The following XPNPEP1 variants were observed in gnomAD, a reference collection of about 807,000 sequenced individuals.
XPNPEP1 encodes xaa-Pro aminopeptidase 1.
XPNPEP1 carries 39 observed loss-of-function variants against 92.4 expected under a neutral mutation model. That is an observed-to-expected ratio of 0.42 (90% confidence interval 0.33 to 0.55). The LOEUF is 0.55. Among genes scored for constraint, XPNPEP1 ranks in the 20% least tolerant of loss-of-function variants. The probability of loss-of-function intolerance (pLI) is 0.08; values close to 1 mark genes in which losing one functional copy is unlikely to be tolerated. For missense variants in XPNPEP1, 654 were observed against 856.1 expected (o/e 0.76, Z 2.95); for synonymous variants, 307 against 299.4 (o/e 1.03, Z -0.26).
intron 2 of XPNPEP1, among the ~76,000 whole-genome samples, chr10:109,909,687 G>A (rs1849756124): frequency 6.6e-6 from 1 of 152,160 alleles, no homozygotes; most frequent in African/African-American, 2.4e-5. Context: ...GCCAATTACA[G>A]AATAGTGATC....
In XPNPEP1 at chr10:109,877,776, T is replaced by A; in HGVS notation, c.1319+14A>T. On this transcript the variant is annotated intron_variant, in intron 14 of 20. Coordinates refer to ENST00000502935, the MANE Select transcript of XPNPEP1 (RefSeq NM_020383.4). ...GCAGCAAGGCCAGGCAGCATGCTCC[T>A]CCGCATGCCTTACGCGTAGTGAATG... 1.2e-6 allele frequency: 2 copies of A among 1,614,212 alleles called. No homozygotes were observed. Among genetic ancestry groups the A allele is most frequent in the Non-Finnish European group, 1.7e-6 (2 of 1,180,026 alleles).
At chr10:109,897,433 ATAATGT>A (rs1171004503) in intron 3 of XPNPEP1, among the ~76,000 whole-genome samples, 10 of 152,342 alleles carry the variant, frequency 6.6e-5, no homozygotes, top group Middle Eastern at 6.8e-3. Context: ...ATGCTGACAA[ATAATGT>A]TAGCTAAGAT....
chr10:109,923,240 C>T, intron 1 of XPNPEP1, 162 bp downstream of exon 1: 1 of 985,356 alleles, frequency 1.0e-6, no homozygotes, highest in Non-Finnish European at 1.2e-6. Flanking sequence ...GACCCCTTCC[C>T]CCGGCTCCTG....
intron 20 of XPNPEP1, among the ~76,000 whole-genome samples, chr10:109,865,672 TGAGA>T (rs1424429430): frequency 1.3e-5 from 2 of 152,242 alleles, no homozygotes; most frequent in African/African-American, 4.8e-5. Flanking sequence ...GAACTCCTGC[TGAGA>T]GAGACACTCG....
At chr10:109,911,808 C>T (rs1002253500) in intron 2 of XPNPEP1, among the ~76,000 whole-genome samples, 27 of 152,324 alleles carry the variant, frequency 1.8e-4, no homozygotes, top group African/African-American at 6.5e-4. Flanking sequence ...AATATACTTT[C>T]TTTCAAGATC....
intron 20 of XPNPEP1, 129 bp downstream of exon 20, chr10:109,868,485 C>T: frequency 1.2e-6 from 1 of 859,866 alleles, no homozygotes; most frequent in Non-Finnish European, 1.8e-6. Context: ...TGGCCTAGAC[C>T]TCTAAATTTA....
At chr10:109,892,538 A>C (rs1274681280) in intron 4 of XPNPEP1, 1 of 161,174 alleles carries the variant, frequency 6.2e-6, no homozygotes, top group Non-Finnish European at 1.4e-5. Context: ...GGTTTTGAGG[A>C]ACACCAATGC....
At position 109,880,200 on chromosome 10, in the gene XPNPEP1, C is replaced by A. The variant is rs780091153; in HGVS notation, c.1170G>T (p.Trp390Cys). 8 of 1,613,976 alleles carry A rather than the reference C, an allele frequency of 5.0e-6. No homozygotes were observed. The highest frequency in any genetic ancestry group is 6.8e-6 in the Non-Finnish European group (8 of 1,180,016). The change falls in exon 12 of 21, where the codon TGG (tryptophan) becomes TGT (cysteine). Residue 390 changes from tryptophan (W) to cysteine (C), a missense_variant. Coordinates refer to ENST00000502935, the MANE Select transcript of XPNPEP1 (RefSeq NM_020383.4). ...DAVALCELFN[W>C]LEKEVPKGGV... ...ACTAAGAACCAACCTCTTTCTCCAG[C>A]CAGTTAAAGAGTTCACAGAGAGCAA...
At chr10:109,910,214 A>G (rs1261056927) in intron 2 of XPNPEP1, among the ~76,000 whole-genome samples, 2 of 152,150 alleles carry the variant, frequency 1.3e-5, no homozygotes, top group East Asian at 3.9e-4. Flanking sequence ...GAAACATACA[A>G]TACATAGCTT....
At chr10:109,885,381 G>C (rs1848333938) in intron 8 of XPNPEP1, among the ~76,000 whole-genome samples, 1 of 152,118 alleles carries the variant, frequency 6.6e-6, no homozygotes, top group South Asian at 2.1e-4. Context: ...ATTTATACGT[G>C]ATTTTTTTTT....
intron 1 of XPNPEP1, among the ~76,000 whole-genome samples, chr10:109,918,942 AAAAGGAAGG>A (rs1483540826): frequency 2.0e-5 from 3 of 151,916 alleles, no homozygotes; most frequent in African/African-American, 2.4e-5. Context: ...AAAAAGAACG[AAAAGGAAGG>A]AAAGGAAGGA....
Position 109,870,511 on chromosome 10 carries a change from CCT to C in XPNPEP1, c.1696+218_1696+219del, listed in dbSNP as rs10536033. Among the ~76,000 whole-genome samples, 165 of 152,192 alleles carry C rather than the reference CCT, an allele frequency of 1.1e-3. 1 individual carries two copies. Among genetic ancestry groups the C allele is most frequent in the East Asian group, 6.7e-3 (35 of 5,188 alleles). On this transcript the variant is annotated intron_variant, in intron 18 of 20. Transcript: ENST00000502935. Reference sequence around the variant, plus strand: ...CAGTAAAACACTAAGTCATGTTTCCCCTGAGTGGTTAGATTGCAAATGATTTT... The same window carrying C: ...CAGTAAAACACTAAGTCATGTTTCCCGAGTGGTTAGATTGCAAATGATTTT...
chr10:109,908,836 TA>T (rs1849698861), intron 2 of XPNPEP1, among the ~76,000 whole-genome samples: 1 of 152,228 alleles, frequency 6.6e-6, no homozygotes, highest in African/African-American at 2.4e-5. Context: ...TTTTGTTAAA[TA>T]TCCAGCTACA....
At chr10:109,891,568 T>C (rs1848705178) in intron 5 of XPNPEP1, 154 bp downstream of exon 5, 1 of 578,216 alleles carries the variant, frequency 1.7e-6, no homozygotes. Context: ...TACGTATGTA[T>C]AGGCATGCCA....
Position 109,870,940 on chromosome 10 carries a change from A to G in XPNPEP1, c.1523-36T>C, listed in dbSNP as rs776376187. ...TAAAGAGCCACTTAATTGTATTTGT[A>G]CAGCGCTTTAGAGATTAAATTTATT... On this transcript the variant is annotated intron_variant, in intron 17 of 20. Coordinates refer to ENST00000502935, the MANE Select transcript of XPNPEP1 (RefSeq NM_020383.4). The G allele has an allele frequency of 3.1e-6, 5 of 1,604,450 alleles. No individual in the cohort carries two copies. In the African/African-American group the frequency reaches 5.4e-5, roughly 17 times the overall value.
At chr10:109,908,331 G>A (rs34866189) in intron 2 of XPNPEP1, among the ~76,000 whole-genome samples, 6 of 152,224 alleles carry the variant, frequency 3.9e-5, no homozygotes, top group South Asian at 2.1e-4. Flanking sequence ...CAGGCTGGGC[G>A]CAGTGGCTCA....
intron 2 of XPNPEP1, among the ~76,000 whole-genome samples, chr10:109,908,965 T>G (rs1319786477): frequency 6.6e-6 from 1 of 152,156 alleles, no homozygotes; most frequent in Admixed American, 6.5e-5. Context: ...CTCTGTGTTC[T>G]CCTCTTTAAA....
intron 2 of XPNPEP1, among the ~76,000 whole-genome samples, chr10:109,909,527 A>G (rs534346048): frequency 1.2e-4 from 19 of 152,342 alleles, no homozygotes; most frequent in Non-Finnish European, 2.5e-4. Context: ...GTACTCACTT[A>G]GTGGAAGCAC....
intron 8 of XPNPEP1, chr10:109,884,516 G>A (rs1178333359): frequency 1.7e-5 from 3 of 175,430 alleles, no homozygotes; most frequent in Non-Finnish European, 3.6e-5. Flanking sequence ...AAATAAAAAG[G>A]AAGGAGACGA....
Sources: gnomAD v4.1 joint callset for allele counts (sites outside exome capture counted in the v4.1 genomes callset) on GRCh38, gnomAD v4.1.1 for gene constraint, MANE v1.5 for transcripts, NCBI Gene and HGNC (gene_info 2026-07-23, HGNC 2026-07-21) for gene names.